NEO1: variants seen among roughly 807,000 people sequenced by gnomAD.
NEO1 encodes the protein neogenin 1.
A neutral mutation model predicts 159.7 loss-of-function variants in NEO1; 63 were observed. The ratio of observed to expected loss-of-function variants is 0.39; its 90% CI spans 0.32 to 0.49. The LOEUF (loss-of-function observed/expected upper bound fraction) is 0.49. Ranked by LOEUF, NEO1 falls within the 20% of genes least tolerant of loss-of-function variation. The probability of loss-of-function intolerance (pLI) is 0.85; values close to 1 mark genes in which losing one functional copy is unlikely to be tolerated. For missense variants in NEO1, 1,615 were observed against 1,831.0 expected (o/e 0.88, Z 2.15); for synonymous variants, 633 against 662.0 (o/e 0.96, Z 0.67).
chr15:73,100,535 A>C (rs1187591143), intron 1 of NEO1, among the ~76,000 whole-genome samples: 1 of 151,946 alleles, frequency 6.6e-6, no homozygotes, highest in Non-Finnish European at 1.5e-5. Flanking sequence ...GGGTTTCGGC[A>C]TGTTGGCCAG....
At chr15:73,281,134 AG>A (rs2041677262) in intron 22 of NEO1, among the ~76,000 whole-genome samples, 1 of 145,298 alleles carries the variant, frequency 6.9e-6, no homozygotes, top group Non-Finnish European at 1.5e-5. Flanking sequence ...CATGAACCAG[AG>A]GGGCGGAGCT....
chr15:73,271,203 G>A (rs2041152451), intron 18 of NEO1, among the ~76,000 whole-genome samples: 1 of 152,190 alleles, frequency 6.6e-6, no homozygotes, highest in Admixed American at 6.5e-5. Flanking sequence ...TAGAAATACA[G>A]TACATCAAAG....
chr15:73,235,117 G>T (rs948185575), intron 7 of NEO1, among the ~76,000 whole-genome samples: 3 of 152,160 alleles, frequency 2.0e-5, no homozygotes, highest in African/African-American at 7.2e-5. Context: ...CCCTGAGATA[G>T]ATAATTTATT....
intron 7 of NEO1, among the ~76,000 whole-genome samples, chr15:73,219,922 C>T (rs1450980197): frequency 6.6e-6 from 1 of 151,606 alleles, no homozygotes; most frequent in East Asian, 1.9e-4. Flanking sequence ...AGTCCATTTA[C>T]ATTTAAAGTT....
chr15:73,224,747 C>T (rs1024048993), intron 7 of NEO1, among the ~76,000 whole-genome samples: 9 of 152,096 alleles, frequency 5.9e-5, no homozygotes, highest in African/African-American at 2.2e-4. Flanking sequence ...TGAGCTTCAC[C>T]TTTCTCTGGT....
At chr15:73,075,206 G>T (rs993454464) in intron 1 of NEO1, among the ~76,000 whole-genome samples, 1 of 152,138 alleles carries the variant, frequency 6.6e-6, no homozygotes, top group East Asian at 1.9e-4. Context: ...AAGTTAAATA[G>T]AACGTCCAGC....
rs754659534 is a variant in NEO1, at chr15:73,301,499, A to T, written c.4302+42A>T. 3.7e-6 allele frequency: 6 copies of T among 1,613,388 alleles called. No individual in the cohort carries two copies. The South Asian group carries it at 6.6e-5, about 18-fold the overall frequency. Reference sequence around the variant, plus strand: ...ATCAGTCCAGCCAGATTGCCTGGGAACATGCCCCAGGGCCTGAGACTGCTG... The same window carrying T: ...ATCAGTCCAGCCAGATTGCCTGGGATCATGCCCCAGGGCCTGAGACTGCTG... On this transcript the variant is annotated intron_variant, in intron 28 of 28. Coordinates refer to ENST00000261908, the MANE Select transcript of NEO1 (RefSeq NM_002499.4).
chr15:73,077,235 G>T (rs1220364693), intron 1 of NEO1, among the ~76,000 whole-genome samples: 1 of 152,034 alleles, frequency 6.6e-6, no homozygotes, highest in Non-Finnish European at 1.5e-5. Context: ...GTAGAGATGG[G>T]GTTTTGCCAT....
chr15:73,276,061 T>C (rs2041407280), intron 21 of NEO1, among the ~76,000 whole-genome samples: 1 of 152,162 alleles, frequency 6.6e-6, no homozygotes, highest in South Asian at 2.1e-4. Context: ...TGTGTGAAAG[T>C]GCAGGAATAT....
At chr15:73,127,697 A>G (rs752290426) in intron 4 of NEO1, among the ~76,000 whole-genome samples, 3 of 152,272 alleles carry the variant, frequency 2.0e-5, no homozygotes, top group Non-Finnish European at 2.9e-5. Context: ...TAAGAAGTAC[A>G]TGTACAATAA....
At chr15:73,056,231 A>G (rs1444123049) in intron 1 of NEO1, among the ~76,000 whole-genome samples, 1 of 152,212 alleles carries the variant, frequency 6.6e-6, no homozygotes, top group African/African-American at 2.4e-5. Context: ...GATTAACGAC[A>G]CAGCTTCAGA....
Position 73,114,943 on chromosome 15 carries a change from G to T in NEO1, c.131-1597G>T, listed in dbSNP as rs79576891. On this transcript the variant is annotated intron_variant, in intron 1 of 28. Coordinates refer to ENST00000261908, the MANE Select transcript of NEO1 (RefSeq NM_002499.4). ...AACATAAACATTTTGATAGTAATAAGAAACTAATTGCAGGTTACTTTTTAA... is the reference window on the plus strand; with the variant it reads ...AACATAAACATTTTGATAGTAATAATAAACTAATTGCAGGTTACTTTTTAA... Among the ~76,000 whole-genome samples the T allele has an allele frequency of 3.0e-3, 462 of 152,122 alleles. 1 individual carries two copies. Among genetic ancestry groups the T allele is most frequent in the African/African-American group, 0.01 (433 of 41,512 alleles).
At chr15:73,185,611 A>G (rs1019382735) in intron 7 of NEO1, among the ~76,000 whole-genome samples, 2 of 152,214 alleles carry the variant, frequency 1.3e-5, no homozygotes, top group East Asian at 3.9e-4. Context: ...CATAAAATTT[A>G]GCAGTTGTGC....
intron 27 of NEO1, among the ~76,000 whole-genome samples, chr15:73,300,398 C>A (rs114339940): frequency 0.013 from 1,974 of 152,280 alleles, 41 homozygotes; most frequent in African/African-American, 0.045. Flanking sequence ...TAAAAACATT[C>A]AACTCAAAAC....
At chr15:73,278,551 A>G (rs915590990) in intron 22 of NEO1, among the ~76,000 whole-genome samples, 2 of 152,216 alleles carry the variant, frequency 1.3e-5, no homozygotes, top group African/African-American at 4.8e-5. Context: ...AGAATCATTA[A>G]GTTCTTCCAG....
intron 26 of NEO1, among the ~76,000 whole-genome samples, chr15:73,295,110 C>T (rs2042305266): frequency 9.7e-6 from 1 of 103,140 alleles, no homozygotes; most frequent in Admixed American, 1.1e-4. Context: ...AAGATCCCGT[C>T]TCTACTAAAT....
chr15:73,172,262 C>G (rs1213616706), intron 5 of NEO1, among the ~76,000 whole-genome samples: 1 of 152,166 alleles, frequency 6.6e-6, no homozygotes, highest in African/African-American at 2.4e-5. Context: ...AGATCTGTCA[C>G]TGACTAAGCC....
chr15:73,304,583 C>G lies in NEO1; in HGVS notation c.*1887C>G, dbSNP rs1228570580. 1 of 152,212 alleles carries G rather than the reference C, an allele frequency of 6.6e-6. No homozygotes were observed. Among genetic ancestry groups the G allele is most frequent in the Non-Finnish European group, 1.5e-5 (1 of 68,080 alleles). The allele number at this position is 152,212 out of a possible 1,614,324, so 9.4% of individuals were successfully genotyped here. ...ATGCAGGAACTGCTGCTGCCGAGCT[C>G]GCTGGTCACATGGGGGTGCCAGGCG... On this transcript the variant is annotated 3_prime_UTR_variant, in exon 29 of 29. Coordinates refer to ENST00000261908, the MANE Select transcript of NEO1 (RefSeq NM_002499.4).
At chr15:73,219,053 G>T (rs1159120282) in intron 7 of NEO1, among the ~76,000 whole-genome samples, 1 of 149,546 alleles carries the variant, frequency 6.7e-6, no homozygotes, top group Non-Finnish European at 1.5e-5. Flanking sequence ...TTCTCTTGTG[G>T]GCATTTAGTG....
Sources: gnomAD v4.1 joint callset for allele counts (sites outside exome capture counted in the v4.1 genomes callset) on GRCh38, gnomAD v4.1.1 for gene constraint, MANE v1.5 for transcripts, NCBI Gene and HGNC (gene_info 2026-07-23, HGNC 2026-07-21) for gene names.